Variants in ARHGAP26 observed in about 807,000 individuals in gnomAD.
ARHGAP26 encodes the protein rho GTPase-activating protein 26.
Under a neutral mutation model 104.8 loss-of-function variants are expected in ARHGAP26, and 38 were observed. The observed-to-expected ratio is 0.36, with a 90% CI of 0.28 to 0.48. The LOEUF (loss-of-function observed/expected upper bound fraction) is 0.48. ARHGAP26 is among the 20% of genes least tolerant of loss of function. The pLI, the probability that ARHGAP26 is intolerant of heterozygous loss-of-function variation, is 0.99. For missense variants in ARHGAP26, 704 were observed against 947.9 expected (o/e 0.74, Z 3.38); for synonymous variants, 341 against 340.0 (o/e 1.00, Z -0.03).
At chr5:142,985,354 C>T (rs1464571377) in intron 11 of ARHGAP26, among the ~76,000 whole-genome samples, 1 of 152,044 alleles carries the variant, frequency 6.6e-6, no homozygotes, top group African/African-American at 2.4e-5. Flanking sequence ...TTTAGTGTAG[C>T]CTAAGTGTAC....
intron 1 of ARHGAP26, among the ~76,000 whole-genome samples, chr5:142,824,187 G>T (rs770680717): frequency 1.3e-5 from 2 of 152,130 alleles, no homozygotes; most frequent in Non-Finnish European, 2.9e-5. Flanking sequence ...CATGCTCTGT[G>T]TCTTAACAGC....
At chr5:142,827,460 G>A (rs529232655) in intron 1 of ARHGAP26, among the ~76,000 whole-genome samples, 94 of 152,344 alleles carry the variant, frequency 6.2e-4, no homozygotes, top group African/African-American at 2.2e-3. Context: ...TATTATTAAT[G>A]GTTGTAGAAT....
intron 20 of ARHGAP26, among the ~76,000 whole-genome samples, chr5:143,192,220 A>G (rs1161843940): frequency 2.0e-5 from 3 of 152,254 alleles, no homozygotes; most frequent in African/African-American, 7.2e-5. Flanking sequence ...GAGAAAGATC[A>G]AACTCATCGT....
At chr5:142,887,097 C>T (rs1326868730) in intron 5 of ARHGAP26, among the ~76,000 whole-genome samples, 1 of 152,164 alleles carries the variant, frequency 6.6e-6, no homozygotes, top group Non-Finnish European at 1.5e-5. Context: ...GCCCACAGCA[C>T]AGTTACCCTG....
chr5:143,091,529 A>G (rs1043241099), intron 17 of ARHGAP26, among the ~76,000 whole-genome samples: 9 of 152,332 alleles, frequency 5.9e-5, no homozygotes, highest in Admixed American at 1.3e-4. Context: ...TTCTAGACCA[A>G]AGAAAGCCAA....
chr5:143,021,945 G>A (rs904558430), intron 12 of ARHGAP26, among the ~76,000 whole-genome samples: 1 of 152,168 alleles, frequency 6.6e-6, no homozygotes, highest in Admixed American at 6.5e-5. Context: ...TCAAAGTGGG[G>A]TGTGCACACC....
chr5:143,058,367 C>T (rs1183838245), intron 17 of ARHGAP26, among the ~76,000 whole-genome samples: 2 of 152,218 alleles, frequency 1.3e-5, no homozygotes, highest in East Asian at 3.8e-4. Flanking sequence ...CACTTGTCCT[C>T]TGAGATAATC....
rs182671658 is a variant in ARHGAP26, at chr5:142,907,634, T to C, written c.833-70T>C. On this transcript the variant is annotated intron_variant, in intron 8 of 22. Transcript: ENST00000645722. ...GAGCATTATGAATTATGGGTTGTGG[T>C]TTTTCCAGCTCATGATGTATAGCAT... The C allele has an allele frequency of 7.7e-5, 83 of 1,071,008 alleles. 1 individual carries two copies. Among genetic ancestry groups the C allele is most frequent in the Non-Finnish European group, 1.0e-4 (73 of 727,288 alleles). The allele number at this position is 1,071,008 out of a possible 1,614,324, so 66.3% of individuals were successfully genotyped here.
At chr5:142,917,542 T>C (rs1279515774) in intron 10 of ARHGAP26, among the ~76,000 whole-genome samples, 1 of 152,202 alleles carries the variant, frequency 6.6e-6, no homozygotes, top group Non-Finnish European at 1.5e-5. Context: ...CAAATTTGCC[T>C]CTCTTCTTAT....
At chr5:142,932,800 A>G (rs1054191463) in intron 11 of ARHGAP26, among the ~76,000 whole-genome samples, 11 of 152,244 alleles carry the variant, frequency 7.2e-5, no homozygotes, top group Non-Finnish European at 1.3e-4. Context: ...TCCATTGACT[A>G]TAGAACTCTT....
chr5:142,851,799 A>G (rs1485316175), intron 1 of ARHGAP26, among the ~76,000 whole-genome samples: 2 of 152,254 alleles, frequency 1.3e-5, no homozygotes, highest in African/African-American at 2.4e-5. Flanking sequence ...CTCTTTCGGC[A>G]TGGCCTTCTC....
chr5:142,998,181 A>G (rs1328901136), intron 11 of ARHGAP26, among the ~76,000 whole-genome samples: 1 of 152,212 alleles, frequency 6.6e-6, no homozygotes, highest in Non-Finnish European at 1.5e-5. Flanking sequence ...ATGCACTTAT[A>G]TAGATTTCAT....
intron 20 of ARHGAP26, among the ~76,000 whole-genome samples, chr5:143,154,425 G>A (rs1198026999): frequency 2.0e-5 from 3 of 152,144 alleles, no homozygotes; most frequent in African/African-American, 7.2e-5. Context: ...TTTTACTTAC[G>A]TATTTTAGTA....
intron 1 of ARHGAP26, among the ~76,000 whole-genome samples, chr5:142,827,467 G>T (rs1767522046): frequency 1.3e-5 from 2 of 152,240 alleles, no homozygotes; most frequent in African/African-American, 4.8e-5. Flanking sequence ...AATGGTTGTA[G>T]AATTTGTGGT....
intron 11 of ARHGAP26, among the ~76,000 whole-genome samples, chr5:142,956,312 A>C (rs1769220716): frequency 6.6e-6 from 1 of 152,276 alleles, no homozygotes; most frequent in Non-Finnish European, 1.5e-5. Context: ...ACAGTGGCTC[A>C]TGCCTGTAAT....
chr5:142,891,640 G>A (rs780429767), intron 5 of ARHGAP26, among the ~76,000 whole-genome samples: 9 of 151,854 alleles, frequency 5.9e-5, no homozygotes, highest in Non-Finnish European at 1.2e-4. Flanking sequence ...TTGGTATAAT[G>A]GAAGTAGGGG....
chr5:142,964,501 T>C (rs914957099), intron 11 of ARHGAP26, among the ~76,000 whole-genome samples: 7 of 151,988 alleles, frequency 4.6e-5, no homozygotes, highest in East Asian at 1.9e-4. Flanking sequence ...ATACTTTGGC[T>C]CCTAAAGCCA....
At chr5:142,835,765 A>G (rs996118172) in intron 1 of ARHGAP26, among the ~76,000 whole-genome samples, 1 of 152,260 alleles carries the variant, frequency 6.6e-6, no homozygotes. Context: ...CATGATACAT[A>G]ATAAAAACCC....
chr5:143,207,972 A>T (rs139699743), intron 21 of ARHGAP26, among the ~76,000 whole-genome samples: 44 of 152,306 alleles, frequency 2.9e-4, no homozygotes, highest in African/African-American at 9.6e-4. Context: ...CTCACGGCTT[A>T]TGCCTCGTTG....
Sources: allele counts gnomAD v4.1 joint callset (sites outside exome capture counted in the v4.1 genomes callset), GRCh38; gene constraint gnomAD v4.1.1; transcripts MANE v1.5; gene names NCBI Gene and HGNC (gene_info 2026-07-23, HGNC 2026-07-21).